Variants in HNRNPR observed in about 807,000 individuals in gnomAD.
HNRNPR encodes heterogeneous nuclear ribonucleoprotein R.
HNRNPR carries 4 observed loss-of-function variants against 70.3 expected under a neutral mutation model. The observed-to-expected ratio is 0.06, with a 90% CI of 0.03 to 0.13. The LOEUF (loss-of-function observed/expected upper bound fraction) is 0.13, where lower values mean the gene tolerates loss of function less well. Ranked by LOEUF, HNRNPR falls within the 10% of genes least tolerant of loss-of-function variation. The pLI is 1.00. For synonymous variants in HNRNPR, 241 were observed against 267.6 expected (o/e 0.90, Z 0.97); for missense variants, 423 against 788.5 (o/e 0.54, Z 5.55).
intron 9 of HNRNPR, among the ~76,000 whole-genome samples, chr1:23,313,047 T>C (rs1189900263): frequency 6.6e-6 from 1 of 152,290 alleles, no homozygotes; most frequent in African/African-American, 2.4e-5. Context: ...GTGATATCTC[T>C]AACAATTACC....
rs1370457887 is a variant in HNRNPR, at chr1:23,306,611, A to G, written c.*3843T>C. ...AAAAAACAAAAAAACAAAACAAAAC[A>G]AAACAAAACCAGAGCTTCTGGTAAC... On this transcript the variant is annotated 3_prime_UTR_variant, in exon 11 of 11. Coordinates refer to ENST00000302271, the MANE Select transcript of HNRNPR (RefSeq NM_005826.5). The G allele has an allele frequency of 1.3e-5, 2 of 152,106 alleles. No individual in the cohort carries two copies. Among genetic ancestry groups the G allele is most frequent in the Non-Finnish European group, 2.9e-5 (2 of 68,004 alleles). The allele number at this position is 152,106 out of a possible 1,614,324, so 9.4% of individuals were successfully genotyped here.
At chr1:23,320,668 G>A (rs1377268019) in intron 7 of HNRNPR, among the ~76,000 whole-genome samples, 3 of 152,112 alleles carry the variant, frequency 2.0e-5, no homozygotes, top group Admixed American at 6.5e-5. Context: ...GCGGTCTAAC[G>A]CAGTGTTTTT....
At chr1:23,325,087 C>CTCTATAATTGGCTTCTTCCTCTAACT (rs1570005307) in intron 5 of HNRNPR, among the ~76,000 whole-genome samples, 2 of 151,986 alleles carry the variant, frequency 1.3e-5, no homozygotes, top group East Asian at 3.9e-4. Context: ...TTGCAGGGAG[C>CTCTATAATTGGCTTCTTCCTCTAACT]CGAGATCGCG....
At chr1:23,324,280 C>T (rs1041027238) in intron 5 of HNRNPR, among the ~76,000 whole-genome samples, 7 of 151,826 alleles carry the variant, frequency 4.6e-5, no homozygotes, top group Non-Finnish European at 8.8e-5. Context: ...ACTTAAAAAG[C>T]AACCTCGGCC....
chr1:23,310,482 T>G lies in HNRNPR; in HGVS notation c.1874A>C (p.Gln625Pro). Reference sequence around the variant, plus strand: ...CTTCCACTGTTGCCCATAAGTATCCTGATAAAATTCCTGGTTGTCATTATT... The same window carrying G: ...CTTCCACTGTTGCCCATAAGTATCCGGATAAAATTCCTGGTTGTCATTATT... ...GYNNDNQEFY[Q>P]DTYGQQWK The change falls in exon 11 of 11, where the codon CAG (glutamine) becomes CCG (proline). Residue 625 changes from glutamine (Q) to proline (P), a missense_variant. Transcript: ENST00000302271. The surrounding 1 kb of genome is among the most constrained non-coding windows in gnomAD (Gnocchi z 6.0). The G allele has an allele frequency of 6.2e-7, 1 of 1,610,066 alleles. No individual in the cohort carries two copies.
intron 9 of HNRNPR, among the ~76,000 whole-genome samples, chr1:23,312,994 A>G (rs757087599): frequency 6.6e-6 from 1 of 152,202 alleles, no homozygotes; most frequent in Non-Finnish European, 1.5e-5. Context: ...CTTTCTTCAA[A>G]CTTTTCATTA....
In HNRNPR at chr1:23,309,041, A is replaced by C. The variant is rs1645249037; in HGVS notation, c.*1413T>G. ...GATTCTTTTGTTCCTCTCATTCTCA[A>C]GCAAAAAAGTCATTAGAATAAATCA... is the stretch of plus-strand genomic sequence containing the variant. On this transcript the variant is annotated 3_prime_UTR_variant, in exon 11 of 11. Transcript: ENST00000302271. 6.6e-6 allele frequency: 1 copy of C among 152,092 alleles called. No homozygotes were observed. 9.4% of individuals were successfully genotyped at this position (152,092 alleles called of 1,614,324 possible). A position where few individuals can be genotyped will look rare whatever the true frequency, so the allele number is the denominator to read the frequency against.
intron 8 of HNRNPR, among the ~76,000 whole-genome samples, chr1:23,317,935 G>A (rs943390193): frequency 6.6e-5 from 10 of 151,464 alleles, no homozygotes; most frequent in Non-Finnish European, 1.2e-4. Flanking sequence ...AGCCGAGATC[G>A]TACCACTGCA....
chr1:23,308,598 A>G lies in HNRNPR; in HGVS notation c.*1856T>C, dbSNP rs1645241194. 6.6e-6 allele frequency: 1 copy of G among 152,084 alleles called. No individual in the cohort carries two copies. The highest frequency in any genetic ancestry group is 2.1e-4 in the South Asian group (1 of 4,832). The allele number at this position is 152,084 out of a possible 1,614,324, so 9.4% of individuals were successfully genotyped here. ...GAAATACCCATGTTAACTCAAAACTATCATACAACAGACCATAATTCCTTT... is the reference window on the plus strand; with the variant it reads ...GAAATACCCATGTTAACTCAAAACTGTCATACAACAGACCATAATTCCTTT... On this transcript the variant is annotated 3_prime_UTR_variant, in exon 11 of 11. Coordinates refer to ENST00000302271, the MANE Select transcript of HNRNPR (RefSeq NM_005826.5).
Position 23,318,565 on chromosome 1 carries a change from C to G in HNRNPR, c.935G>C (p.Gly312Ala), listed in dbSNP as rs1645637723. The G allele has an allele frequency of 6.2e-7, 1 of 1,614,078 alleles. No homozygotes were observed. The highest frequency in any genetic ancestry group is 8.5e-7 in the Non-Finnish European group (1 of 1,180,036). The change falls in exon 8 of 11, where the codon GGA (glycine) becomes GCA (alanine). Residue 312 changes from glycine to alanine, a missense_variant. Around this residue, in one of 7 missense-constraint regions of HNRNPR, gnomAD observed 46 missense variants for 164.6 expected, o/e 0.28. Transcript: ENST00000302271. This position sits in a 1 kb window ranked among gnomAD's most constrained non-coding sequence, Gnocchi z 4.2. ...AAQARRRLMS[G>A]KVKVWGNVVT... ...TACATTTCCCCACACTTTTACTTTT[C>G]CACTCATCAGCCGGCGTCTGGCTTG...
chr1:23,313,498 G>A (rs1303721043), intron 9 of HNRNPR, 55 bp downstream of exon 9: 2 of 1,152,472 alleles, frequency 1.7e-6, no homozygotes, highest in African/African-American at 1.6e-5. Flanking sequence ...TTTGTGTTTG[G>A]CAAGTTTCAA....
At chr1:23,311,178 T>TATCTACTA in intron 10 of HNRNPR, 23 bp downstream of exon 10, 1 of 1,613,062 alleles carries the variant, frequency 6.2e-7, no homozygotes, top group Non-Finnish European at 8.5e-7. Flanking sequence ...TCCAAAGATA[T>TATCTACTA]ATCTACTAAA....
rs980679143 is a variant in HNRNPR, at chr1:23,318,977, A to C, written c.812-289T>G. On this transcript the variant is annotated intron_variant, in intron 7 of 10. Transcript: ENST00000302271. This position sits in a 1 kb window ranked among gnomAD's most constrained non-coding sequence, Gnocchi z 4.2. ...GTTTTAGAGCGTTTGATATAACATG[A>C]CTTTATTAAAGCACTAACAAGGATC... Among the ~76,000 whole-genome samples the C allele has an allele frequency of 6.6e-5, 10 of 152,234 alleles. No homozygotes were observed. Among genetic ancestry groups the C allele is most frequent in the Admixed American group, 2.0e-4 (3 of 15,288 alleles).
At chr1:23,332,799 G>C (rs1415434896) in intron 5 of HNRNPR, among the ~76,000 whole-genome samples, 1 of 152,038 alleles carries the variant, frequency 6.6e-6, no homozygotes, top group Non-Finnish European at 1.5e-5. Context: ...CCAGCACTTT[G>C]GGAAGCCAAG....
chr1:23,310,676 T>G lies in HNRNPR; in HGVS notation c.1680A>C (p.Gly560=). 1.9e-6 allele frequency: 3 copies of G among 1,613,542 alleles called. No homozygotes were observed. Among genetic ancestry groups the G allele is most frequent in the Non-Finnish European group, 2.5e-6 (3 of 1,179,758 alleles). The change falls in exon 11 of 11, where the codon GGA becomes GGC. Residue 560 remains glycine, a synonymous_variant. Transcript: ENST00000302271. This position sits in a 1 kb window ranked among gnomAD's most constrained non-coding sequence, Gnocchi z 6.0. ...AQQQRGRGSR[G]SRGNRGGNVG... is the part of the protein sequence containing the mutation. Reference sequence around the variant, plus strand: ...CATTGCCCCCACGATTGCCCCGAGATCCACGGGAACCACGGCCTCTCTGCT... The same window carrying G: ...CATTGCCCCCACGATTGCCCCGAGAGCCACGGGAACCACGGCCTCTCTGCT...
In HNRNPR at chr1:23,309,145, T is replaced by A. The variant is rs1645250805; in HGVS notation, c.*1309A>T. The A allele has an allele frequency of 1.3e-5, 2 of 152,052 alleles. No individual in the cohort carries two copies. The highest frequency in any genetic ancestry group is 4.1e-4 in the South Asian group (2 of 4,830). The allele number at this position is 152,052 out of a possible 1,614,324, so 9.4% of individuals were successfully genotyped here. On this transcript the variant is annotated 3_prime_UTR_variant, in exon 11 of 11. Coordinates refer to ENST00000302271, the MANE Select transcript of HNRNPR (RefSeq NM_005826.5). ...TTGGGCATCAGGGATAGCAGATAAA[T>A]AAAAATAAACGAAGTGTTAACAGAA...
intron 2 of HNRNPR, among the ~76,000 whole-genome samples, chr1:23,339,284 T>C (rs1171816032): frequency 6.6e-6 from 1 of 152,258 alleles, no homozygotes. Flanking sequence ...TTCTTTGTTC[T>C]TCTGAAGTGA....
intron 5 of HNRNPR, among the ~76,000 whole-genome samples, chr1:23,328,049 A>C (rs1471419251): frequency 6.6e-6 from 1 of 152,016 alleles, no homozygotes; most frequent in Non-Finnish European, 1.5e-5. Flanking sequence ...AGAGCATTCC[A>C]AGTTGATGGA....
rs537073838 is a variant in HNRNPR, at chr1:23,326,888, T to A, written c.499-3156A>T. Among the ~76,000 whole-genome samples, 3 of 152,330 alleles carry A rather than the reference T, an allele frequency of 2.0e-5. No individual in the cohort carries two copies. The East Asian group carries it at 5.8e-4, about 29-fold the overall frequency. Reference sequence around the variant, plus strand: ...AACTACCACCGTCAAAACCTTTTCTTACCTGAAGTATTCAGAATACCAATC... The same window carrying A: ...AACTACCACCGTCAAAACCTTTTCTAACCTGAAGTATTCAGAATACCAATC... On this transcript the variant is annotated intron_variant, in intron 5 of 10. Coordinates refer to ENST00000302271, the MANE Select transcript of HNRNPR (RefSeq NM_005826.5).
Sources: allele counts gnomAD v4.1 joint callset (sites outside exome capture counted in the v4.1 genomes callset), GRCh38; gene constraint gnomAD v4.1.1; regional missense constraint gnomAD v4.1.1; non-coding constraint Gnocchi (gnomAD v3.1); transcripts MANE v1.5; gene names NCBI Gene and HGNC (gene_info 2026-07-23, HGNC 2026-07-21).